The following SLC9B1 variants were observed in gnomAD, a reference collection of about 807,000 sequenced individuals.
SLC9B1 encodes solute carrier family 9 member B1.
SLC9B1 carries 32 observed loss-of-function variants against 51.7 expected under a neutral mutation model. That is an observed-to-expected ratio of 0.62 (90% CI 0.47 to 0.83). The LOEUF (loss-of-function observed/expected upper bound fraction) is 0.83. Among genes scored for constraint, SLC9B1 ranks in the 40% least tolerant of loss-of-function variants. SLC9B1 has a pLI of 0.00. For synonymous variants in SLC9B1, 145 were observed against 212.7 expected (o/e 0.68, Z 2.77); for missense variants, 406 against 613.2 (o/e 0.66, Z 3.57).
At chr4:102,902,804 T>C (rs1734850396) in intron 11 of SLC9B1, among the ~76,000 whole-genome samples, 1 of 152,194 alleles carries the variant, frequency 6.6e-6, no homozygotes, top group Non-Finnish European at 1.5e-5. Context: ...GTAAACTAAA[T>C]TATTTATTTA....
chr4:102,924,463 T>A (rs529760841), intron 7 of SLC9B1, among the ~76,000 whole-genome samples: 69 of 152,066 alleles, frequency 4.5e-4, no homozygotes, highest in Middle Eastern at 3.4e-3. Flanking sequence ...CCTAGAAGAA[T>A]ACCTAGGCAA....
intron 3 of SLC9B1, among the ~76,000 whole-genome samples, chr4:102,952,117 C>G (rs1421305774): frequency 1.4e-4 from 1 of 7,174 alleles, no homozygotes; most frequent in Non-Finnish European, 2.4e-4. Flanking sequence ...ATCCCTCCCC[C>G]CTCCCCCGAC....
intron 7 of SLC9B1, among the ~76,000 whole-genome samples, chr4:102,924,098 A>G (rs1378559836): frequency 1.3e-5 from 2 of 152,226 alleles, no homozygotes; most frequent in Non-Finnish European, 2.9e-5. Context: ...TGCATTGCCA[A>G]GACAGTCTTA....
chr4:102,885,763 T>C (rs926373239), intron 11 of SLC9B1, among the ~76,000 whole-genome samples: 1 of 152,238 alleles, frequency 6.6e-6, no homozygotes, highest in Admixed American at 6.5e-5. Context: ...TGGTCAAATA[T>C]ACTTGTCACA....
At chr4:102,947,980 T>C (rs1737350842) in intron 4 of SLC9B1, among the ~76,000 whole-genome samples, 1 of 152,164 alleles carries the variant, frequency 6.6e-6, no homozygotes, top group Non-Finnish European at 1.5e-5. Context: ...ATGGTGGTTA[T>C]AGCGGTGATG....
chr4:102,948,329 C>CAG (rs1226258520), intron 4 of SLC9B1, among the ~76,000 whole-genome samples: 18 of 144,250 alleles, frequency 1.2e-4, no homozygotes, highest in Admixed American at 1.0e-3. Flanking sequence ...AAGCCATACA[C>CAG]ACACACACAC....
At chr4:102,994,709 GA>G (rs1207065077) in intron 1 of SLC9B1, among the ~76,000 whole-genome samples, 1 of 152,154 alleles carries the variant, frequency 6.6e-6, no homozygotes, top group African/African-American at 2.4e-5. Flanking sequence ...GAGGCCTCAG[GA>G]AACTTACAAT....
At chr4:102,942,166 T>C (rs1244280260) in intron 6 of SLC9B1, among the ~76,000 whole-genome samples, 1 of 152,164 alleles carries the variant, frequency 6.6e-6, no homozygotes, top group African/African-American at 2.4e-5. Context: ...GAAAGACTTC[T>C]ACAGTGAAAA....
intron 7 of SLC9B1, among the ~76,000 whole-genome samples, chr4:102,928,158 C>A (rs201782306): frequency 6.6e-6 from 1 of 152,042 alleles, no homozygotes. Context: ...CAAACCAACA[C>A]GGCACATGTA....
rs569286595 is a variant in SLC9B1 at position 102,901,570 on chromosome 4, T to G, written c.1333-238A>C. Among the ~76,000 whole-genome samples, 91 of 152,350 alleles carry G rather than the reference T, an allele frequency of 6.0e-4. No homozygotes were observed. The Middle Eastern group carries it at 0.014, about 23-fold the overall frequency. On this transcript the variant is annotated intron_variant, in intron 11 of 11. Transcript: ENST00000296422. ...ACATTTTTGGGCTGATTTTGCACTC[T>G]TGTCCTCTCAGTGTTCCTCTATTCG...
chr4:102,985,457 T>A (rs1739563150), intron 3 of SLC9B1, among the ~76,000 whole-genome samples: 1 of 152,212 alleles, frequency 6.6e-6, no homozygotes, highest in Non-Finnish European at 1.5e-5. Context: ...GCATATCAAT[T>A]ATACTTCTTT....
At chr4:102,925,511 C>G (rs1192345049) in intron 7 of SLC9B1, among the ~76,000 whole-genome samples, 1 of 151,864 alleles carries the variant, frequency 6.6e-6, no homozygotes, top group African/African-American at 2.4e-5. Context: ...TGTAACAAAC[C>G]TGCATGTTGT....
intron 1 of SLC9B1, among the ~76,000 whole-genome samples, chr4:102,995,876 C>G (rs1740188686): frequency 6.6e-6 from 1 of 152,064 alleles, no homozygotes. Context: ...CTATATTAAG[C>G]ACTTAACATG....
intron 1 of SLC9B1, among the ~76,000 whole-genome samples, chr4:103,004,648 C>T (rs149941552): frequency 2.0e-5 from 3 of 151,858 alleles, no homozygotes; most frequent in African/African-American, 7.2e-5. Context: ...TCTCCAAGGT[C>T]GAAATGAAAG....
intron 9 of SLC9B1, among the ~76,000 whole-genome samples, chr4:102,908,051 A>G (rs1735139952): frequency 6.6e-6 from 1 of 152,280 alleles, no homozygotes; most frequent in African/African-American, 2.4e-5. Context: ...TGATTCTAAA[A>G]TTTATCTAAG....
intron 3 of SLC9B1, among the ~76,000 whole-genome samples, chr4:102,957,245 G>C (rs1737856913): frequency 6.6e-6 from 1 of 151,848 alleles, no homozygotes; most frequent in Non-Finnish European, 1.5e-5. Context: ...GAGATAAGAG[G>C]GCAGAAAAAT....
At position 103,011,859 on chromosome 4, in the gene SLC9B1, C is replaced by A. The variant is rs1013333355; in HGVS notation, c.-2+7740G>T. Among the ~76,000 whole-genome samples the A allele has an allele frequency of 5.3e-5, 8 of 152,122 alleles. No homozygotes were observed. In the East Asian group the frequency reaches 1.5e-3, roughly 29 times the overall value. ...GGGCCCCTCCCTTGAAACTGTTCTGCCCTGAAGGCCCTGGCACTCTGAGCC... is the reference window on the plus strand; with the variant it reads ...GGGCCCCTCCCTTGAAACTGTTCTGACCTGAAGGCCCTGGCACTCTGAGCC... On this transcript the variant is annotated intron_variant, in intron 1 of 11. Transcript: ENST00000296422.
chr4:102,925,699 CAA>C (rs3974607), intron 7 of SLC9B1, among the ~76,000 whole-genome samples: 3 of 137,326 alleles, frequency 2.2e-5, no homozygotes, highest in Non-Finnish European at 3.1e-5. Flanking sequence ...TTCTTTTGTC[CAA>C]AAAAAAAAAG....
intron 11 of SLC9B1, among the ~76,000 whole-genome samples, chr4:102,886,950 G>T (rs1733957638): frequency 6.6e-6 from 1 of 152,144 alleles, no homozygotes; most frequent in Non-Finnish European, 1.5e-5. Flanking sequence ...TGTGTGGTAT[G>T]CATGAGTTTT....
Sources: allele counts gnomAD v4.1 joint callset (sites outside exome capture counted in the v4.1 genomes callset), GRCh38; gene constraint gnomAD v4.1.1; transcripts MANE v1.5; gene names NCBI Gene and HGNC (gene_info 2026-07-23, HGNC 2026-07-21).